Variants in EYS observed in about 807,000 individuals in gnomAD.
EYS encodes the protein protein eyes shut homolog.
A neutral mutation model predicts 282.1 loss-of-function variants in EYS; 250 were observed. The ratio of observed to expected loss-of-function variants is 0.89; its 90% CI spans 0.80 to 0.98. EYS has a LOEUF of 0.98. Ranked by LOEUF, EYS falls within the 50% of genes least tolerant of loss-of-function variation. EYS has a pLI of 0.00. For missense variants in EYS, 4,016 were observed against 3,709.0 expected (o/e 1.08, Z -2.15); for synonymous variants, 1,355 against 1,282.9 (o/e 1.06, Z -1.20).
chr6:64,726,153 C>T (rs1771747728), intron 22 of EYS, among the ~76,000 whole-genome samples: 1 of 151,984 alleles, frequency 6.6e-6, no homozygotes, highest in African/African-American at 2.4e-5. Flanking sequence ...AACCAACCCT[C>T]GAGGGCCCAA....
intron 31 of EYS, among the ~76,000 whole-genome samples, chr6:64,147,783 TA>T (rs1456203291): frequency 6.6e-6 from 1 of 152,190 alleles, no homozygotes; most frequent in Non-Finnish European, 1.5e-5. Flanking sequence ...CCGTGCTATG[TA>T]GATTGTAGAA....
intron 12 of EYS, among the ~76,000 whole-genome samples, chr6:65,236,965 T>C (rs906010506): frequency 6.6e-5 from 10 of 152,138 alleles, no homozygotes; most frequent in Non-Finnish European, 7.4e-5. Flanking sequence ...ATACTGAAAA[T>C]GATTAAGTTG....
intron 5 of EYS, among the ~76,000 whole-genome samples, chr6:65,475,912 G>A (rs1020088058): frequency 2.6e-5 from 4 of 151,744 alleles, no homozygotes; most frequent in African/African-American, 4.8e-5. Context: ...TTACAGAACC[G>A]ATTACATGAT....
chr6:64,238,138 G>T (rs947013378), intron 30 of EYS, among the ~76,000 whole-genome samples: 7 of 151,714 alleles, frequency 4.6e-5, no homozygotes, highest in African/African-American at 1.2e-4. Flanking sequence ...TTTTTCTCAC[G>T]GGACAAATGC....
intron 26 of EYS, among the ~76,000 whole-genome samples, chr6:64,535,575 CAA>C (rs10554389): frequency 0.39 from 55,318 of 142,276 alleles, 10,794 homozygotes; most frequent in South Asian, 0.44. Flanking sequence ...TTGTTTCTAC[CAA>C]AAAAAAAAAA....
chr6:64,939,092 C>T (rs1769005918), intron 15 of EYS, among the ~76,000 whole-genome samples: 1 of 151,776 alleles, frequency 6.6e-6, no homozygotes, highest in Non-Finnish European at 1.5e-5. Flanking sequence ...GGAATACATA[C>T]ATTATGCTCA....
At chr6:64,414,159 GA>G (rs1355185470) in intron 28 of EYS, among the ~76,000 whole-genome samples, 3 of 152,022 alleles carry the variant, frequency 2.0e-5, no homozygotes, top group Non-Finnish European at 4.4e-5. Context: ...GAAATTTCAG[GA>G]GACTAAAAAT....
intron 37 of EYS, among the ~76,000 whole-genome samples, chr6:63,796,257 G>C (rs1027931874): frequency 1.3e-5 from 2 of 152,164 alleles, no homozygotes; most frequent in Admixed American, 1.3e-4. Context: ...TACTTGTCTG[G>C]AAGTGGCAGA....
intron 15 of EYS, among the ~76,000 whole-genome samples, chr6:64,919,731 C>A (rs759223154): frequency 1.3e-5 from 2 of 152,036 alleles, no homozygotes; most frequent in Non-Finnish European, 2.9e-5. Flanking sequence ...ATGATTTAAT[C>A]TCCTGTGCCA....
intron 26 of EYS, among the ~76,000 whole-genome samples, chr6:64,469,392 T>C (rs1243273319): frequency 6.6e-6 from 1 of 152,120 alleles, no homozygotes; most frequent in African/African-American, 2.4e-5. Flanking sequence ...GATATGATTA[T>C]ATATAAATAT....
intron 19 of EYS, among the ~76,000 whole-genome samples, chr6:64,872,250 T>C (rs902107236): frequency 1.3e-5 from 2 of 151,986 alleles, no homozygotes; most frequent in Non-Finnish European, 2.9e-5. Flanking sequence ...TTCTACATTG[T>C]AATAAGAAGC....
intron 2 of EYS, among the ~76,000 whole-genome samples, chr6:65,628,571 C>T (rs547134993): frequency 2.0e-5 from 3 of 152,150 alleles, no homozygotes; most frequent in South Asian, 2.1e-4. Context: ...TCACACTCAC[C>T]GCGAAGATCT....
chr6:63,772,013 G>C (rs1253286102), intron 40 of EYS, among the ~76,000 whole-genome samples: 1 of 152,116 alleles, frequency 6.6e-6, no homozygotes, highest in Admixed American at 6.6e-5. Flanking sequence ...CTAGAGCTGA[G>C]TGTACAATTC....
chr6:64,225,852 G>GT (rs1766237813), intron 31 of EYS, among the ~76,000 whole-genome samples: 2 of 152,068 alleles, frequency 1.3e-5, no homozygotes, highest in Admixed American at 6.6e-5. Flanking sequence ...TTGATAATAG[G>GT]TAATCTTGTC....
chr6:64,967,827 T>C (rs62416479), intron 14 of EYS, among the ~76,000 whole-genome samples: 26,384 of 152,164 alleles, frequency 0.17, 2,446 homozygotes, highest in East Asian at 0.24. Context: ...GGCTGCTCCA[T>C]CTTTTGGGTT....
At chr6:64,111,008 A>G (rs1052150072) in intron 31 of EYS, among the ~76,000 whole-genome samples, 24 of 152,096 alleles carry the variant, frequency 1.6e-4, no homozygotes, top group Non-Finnish European at 2.7e-4. Context: ...ACAGTAGTAG[A>G]TTTTTGGAGG....
At chr6:64,328,722 G>A (rs1361558548) in intron 29 of EYS, among the ~76,000 whole-genome samples, 1 of 152,178 alleles carries the variant, frequency 6.6e-6, no homozygotes, top group Non-Finnish European at 1.5e-5. Flanking sequence ...CAAGAGAGAA[G>A]CCAGACACAG....
At chr6:63,927,750 C>T (rs955406651) in intron 35 of EYS, among the ~76,000 whole-genome samples, 1 of 152,214 alleles carries the variant, frequency 6.6e-6, no homozygotes, top group African/African-American at 2.4e-5. Flanking sequence ...GAAACAGAAG[C>T]CAGGCTTCTG....
chr6:64,156,062 A>C (rs1437804320), intron 31 of EYS, among the ~76,000 whole-genome samples: 1 of 149,546 alleles, frequency 6.7e-6, no homozygotes, highest in South Asian at 2.1e-4. Flanking sequence ...GTATGTGTGT[A>C]TTATATATAT....
Sources: allele counts gnomAD v4.1 joint callset (sites outside exome capture counted in the v4.1 genomes callset), GRCh38; gene constraint gnomAD v4.1.1; transcripts MANE v1.5; gene names NCBI Gene and HGNC (gene_info 2026-07-23, HGNC 2026-07-21).